Variants in CRAMP1 observed in about 807,000 individuals in gnomAD.
The protein encoded by CRAMP1 is protein cramped-like.
A neutral mutation model predicts 115.4 loss-of-function variants in CRAMP1; 50 were observed. The ratio of observed to expected loss-of-function variants is 0.43; its 90% confidence interval spans 0.35 to 0.55. The LOEUF is 0.55. Among genes scored for constraint, CRAMP1 ranks in the 20% least tolerant of loss-of-function variants. The probability of loss-of-function intolerance (pLI) is 0.01; values close to 1 mark genes in which losing one functional copy is unlikely to be tolerated. For missense variants in CRAMP1, 1,679 were observed against 1,721.7 expected (o/e 0.98, Z 0.44); for synonymous variants, 866 against 745.4 (o/e 1.16, Z -2.64).
chr16:1,656,681 G>A lies in CRAMP1; in HGVS notation c.1924G>A (p.Glu642Lys). 1 of 1,567,632 alleles carries A rather than the reference G, an allele frequency of 6.4e-7. No homozygotes were observed. The highest frequency in any genetic ancestry group is 8.6e-7 in the Non-Finnish European group (1 of 1,157,442). The change falls in exon 10 of 21, where the codon GAG (glutamate) becomes AAG (lysine). Residue 642 changes from glutamate to lysine, a missense_variant. Transcript: ENST00000397412. The surrounding 1 kb of genome is among the most constrained non-coding windows in gnomAD (Gnocchi z 5.6). The stretch of plus-strand genomic sequence containing the variant: ...AGATGCACCTGCGGAGGAGCTCCAG[G>A]AGAAGGGGAGCCCCGCGGGGCCTCC... The part of the protein sequence containing the change: ...LADAPAEELQ[E>K]KGSPAGPPPS...
intron 6 of CRAMP1, among the ~76,000 whole-genome samples, chr16:1,647,938 C>T (rs1000457864): frequency 2.6e-5 from 4 of 151,914 alleles, no homozygotes; most frequent in East Asian, 3.9e-4. Flanking sequence ...ACCCACGTCC[C>T]GGAACTGTGA....
intron 1 of CRAMP1, among the ~76,000 whole-genome samples, chr16:1,613,128 G>A (rs904127150): frequency 6.6e-6 from 1 of 152,160 alleles, no homozygotes; most frequent in African/African-American, 2.4e-5. Context: ...GGTCTTTGGG[G>A]GTTTAGGTTT....
chr16:1,665,658 T>C, intron 14 of CRAMP1: 1 of 224,376 alleles, frequency 4.5e-6, no homozygotes, highest in Non-Finnish European at 8.8e-6. Flanking sequence ...TGTCAATTGC[T>C]TTTTCTCTTG....
intron 6 of CRAMP1, among the ~76,000 whole-genome samples, chr16:1,645,003 A>AT (rs1278883189): frequency 2.0e-5 from 3 of 148,990 alleles, no homozygotes; most frequent in Non-Finnish European, 4.5e-5. Context: ...CACCTGACCC[A>AT]TTTTTTGCTT....
chr16:1,632,278 G>A lies in CRAMP1; in HGVS notation c.607G>A (p.Ala203Thr). Residue 203 changes from alanine (A) to threonine (T), a missense_variant, in exon 4 of 21, where the codon GCA becomes ACA. Transcript: ENST00000397412. ...GAAGTACAAGAAGAAAGGCAAGCCAGCAAGCATGGTGAAGAACAAGGAGCA... is the reference window on the plus strand; with the variant it reads ...GAAGTACAAGAAGAAAGGCAAGCCAACAAGCATGGTGAAGAACAAGGAGCA... ...ALKYKKKGKP[A>T]SMVKNKEQVR... is the part of the protein sequence containing the mutation. 1 of 1,597,040 alleles carries A rather than the reference G, an allele frequency of 6.3e-7. No homozygotes were observed. The highest frequency in any genetic ancestry group is 1.1e-5 in the South Asian group (1 of 87,908).
At chr16:1,644,041 G>A (rs1191057765) in intron 6 of CRAMP1, among the ~76,000 whole-genome samples, 2 of 152,234 alleles carry the variant, frequency 1.3e-5, no homozygotes, top group Non-Finnish European at 2.9e-5. Flanking sequence ...AAAAGAAAAG[G>A]TGAGCTCAGG....
chr16:1,613,124 T>C (rs2036375124), intron 1 of CRAMP1, among the ~76,000 whole-genome samples: 2 of 152,034 alleles, frequency 1.3e-5, no homozygotes, highest in Admixed American at 1.3e-4. Flanking sequence ...ACGAGGTCTT[T>C]GGGGGTTTAG....
intron 4 of CRAMP1, among the ~76,000 whole-genome samples, chr16:1,635,816 G>A (rs2036584432): frequency 6.6e-6 from 1 of 152,216 alleles, no homozygotes; most frequent in Non-Finnish European, 1.5e-5. Context: ...CTGTGCCCCG[G>A]TGCTGGGAGC....
chr16:1,666,010 C>T lies in CRAMP1; in HGVS notation c.2753-63C>T. The T allele has an allele frequency of 8.7e-7, 1 of 1,146,414 alleles. No homozygotes were observed. Among genetic ancestry groups the T allele is most frequent in the Non-Finnish European group, 1.3e-6 (1 of 778,876 alleles). 71.0% of individuals were successfully genotyped at this position (1,146,414 alleles called of 1,614,324 possible). On this transcript the variant is annotated intron_variant, in intron 14 of 20. Coordinates refer to ENST00000397412, the MANE Select transcript of CRAMP1 (RefSeq NM_020825.4). The surrounding 1 kb of genome is among the most constrained non-coding windows in gnomAD (Gnocchi z 5.0). ...CTGTAAAGGAAGCCCCCTGCGGCCA[C>T]ATCCTGCTGTGAGGGCATGGCGGGC...
At chr16:1,665,176 C>T in intron 14 of CRAMP1, 38 bp downstream of exon 14, 1 of 1,352,222 alleles carries the variant, frequency 7.4e-7, no homozygotes. Flanking sequence ...GCTTGTCCCT[C>T]CTCCTCACAG....
intron 13 of CRAMP1, among the ~76,000 whole-genome samples, chr16:1,664,150 A>G (rs1248872550): frequency 6.6e-6 from 1 of 152,242 alleles, no homozygotes; most frequent in African/African-American, 2.4e-5. Flanking sequence ...GAAGCGCCTC[A>G]GACACTTGTA....
intron 2 of CRAMP1, among the ~76,000 whole-genome samples, chr16:1,621,068 G>A (rs1023841170): frequency 6.6e-6 from 1 of 152,216 alleles, no homozygotes; most frequent in Non-Finnish European, 1.5e-5. Flanking sequence ...TACAGGTTCT[G>A]TTACTTCCAG....
At chr16:1,623,035 T>G (rs1281738271) in intron 2 of CRAMP1, among the ~76,000 whole-genome samples, 2 of 152,126 alleles carry the variant, frequency 1.3e-5, no homozygotes, top group Non-Finnish European at 2.9e-5. Context: ...TAGCTGTGAT[T>G]ACAGGCGCCC....
rs533576345 is a variant in CRAMP1, at chr16:1,643,575, T to C, written c.827+2388T>C. 2.6e-5 allele frequency among the ~76,000 whole-genome samples: 4 copies of C among 151,632 alleles called. No individual in the cohort carries two copies. The South Asian group carries it at 8.3e-4, about 32-fold the overall frequency. On this transcript the variant is annotated intron_variant, in intron 6 of 20. Coordinates refer to ENST00000397412, the MANE Select transcript of CRAMP1 (RefSeq NM_020825.4). ...AAAAAAAAAAAAACCCTCAGGTGGT[T>C]CTGCCGAGGGAAGGGCAAGAAGCAG...
chr16:1,644,165 G>T (rs1459711508), intron 6 of CRAMP1, among the ~76,000 whole-genome samples: 3 of 152,194 alleles, frequency 2.0e-5, no homozygotes, highest in Admixed American at 6.5e-5. Context: ...GAGAGTGGGA[G>T]CCTGCGCTAA....
Position 1,614,965 on chromosome 16 carries a change from G to A in CRAMP1, c.326G>A (p.Gly109Asp). 8.0e-7 allele frequency: 1 copy of A among 1,257,146 alleles called. No homozygotes were observed. The highest frequency in any genetic ancestry group is 3.1e-5 in the East Asian group (1 of 32,058). 77.9% of individuals were successfully genotyped at this position (1,257,146 alleles called of 1,614,324 possible). ...GCTGTGGGGAGCGGCAACGCCGGTG[G>A]CTCGGGGCCCCGCGGAAAAGGTAGG... is the stretch of plus-strand genomic sequence containing the variant. ...PSAVGSGNAG[G>D]SGPRGKGAEG... Residue 109 changes from glycine to aspartate, a missense_variant, in exon 2 of 21, where the codon GGC becomes GAC. By Grantham distance (94) the Gly-to-Asp change is moderately conservative (BLOSUM62 -1). Around this residue, in one of 8 missense-constraint regions of CRAMP1, gnomAD observed 264 missense variants for 229.7 expected, o/e 1.15. Transcript: ENST00000397412. This position sits in a 1 kb window ranked among gnomAD's most constrained non-coding sequence, Gnocchi z 4.4.
chr16:1,652,441 T>G, intron 6 of CRAMP1, 55 bp from the exon 7 acceptor site: 2 of 1,482,340 alleles, frequency 1.3e-6, no homozygotes, highest in Non-Finnish European at 1.8e-6. Flanking sequence ...TGCTGGCCCT[T>G]CCGTCCTTCT....
rs368182993 is a variant in CRAMP1 at position 1,637,859 on chromosome 16, C to T, written c.730C>T (p.Leu244=). 9.6e-6 allele frequency: 15 copies of T among 1,570,008 alleles called. No homozygotes were observed. The African/African-American group carries it at 1.1e-4, about 11-fold the overall frequency. Residue 244 remains leucine, a synonymous_variant, in exon 5 of 21, where the codon CTG becomes TTG. Transcript: ENST00000397412. ...AGGCCTGAAGAAGTCATCCCAGGAA[C>T]TGTATGGCCTGATCTGCTATGGCGA... is the stretch of plus-strand genomic sequence containing the variant. ...SRGLKKSSQE[L]YGLICYGELR... is the part of the protein sequence containing the mutation.
Position 1,618,613 on chromosome 16 carries a change from C to G in CRAMP1, c.346+3628C>G, listed in dbSNP as rs549403231. On this transcript the variant is annotated intron_variant, in intron 2 of 20. Transcript: ENST00000397412. Reference sequence around the variant, plus strand: ...CATCTCCAGAATAGGGTAATGTAGTCTGAAGTGACAGTCGTTTGTGTGTAG... The same window carrying G: ...CATCTCCAGAATAGGGTAATGTAGTGTGAAGTGACAGTCGTTTGTGTGTAG... Among the ~76,000 whole-genome samples the G allele has an allele frequency of 3.9e-5, 6 of 152,224 alleles. No individual in the cohort carries two copies. The East Asian group carries it at 1.2e-3, about 29-fold the overall frequency.
Sources: gnomAD v4.1 joint callset for allele counts (sites outside exome capture counted in the v4.1 genomes callset) on GRCh38, gnomAD v4.1.1 for gene constraint, gnomAD v4.1.1 regional missense constraint, Gnocchi (gnomAD v3.1) non-coding constraint, MANE v1.5 for transcripts, NCBI Gene and HGNC (gene_info 2026-07-23, HGNC 2026-07-21) for gene names.